SLC6A5: variants seen among roughly 807,000 people sequenced by gnomAD.
SLC6A5 encodes the protein sodium- and chloride-dependent glycine transporter 2.
In SLC6A5, 58 loss-of-function variants were observed where a neutral mutation model predicts 90.5. The observed-to-expected ratio is 0.64, with a 90% confidence interval of 0.52 to 0.80. The LOEUF is 0.80. Ranked by LOEUF, SLC6A5 falls within the 30% of genes least tolerant of loss-of-function variation. The pLI is 0.00. For missense variants in SLC6A5, 1,015 were observed against 1,017.6 expected, an observed-to-expected ratio of 1.00 and a Z score of 0.03; for synonymous variants, 427 against 401.4, an observed-to-expected ratio of 1.06 and a Z score of -0.76.
intron 4 of SLC6A5, 79 bp downstream of exon 4, chr11:20,607,217 G>A: frequency 3.3e-6 from 5 of 1,529,558 alleles, no homozygotes; most frequent in Non-Finnish European, 3.6e-6. Flanking sequence ...CCCAGGGAGG[G>A]AGACCTGCCT....
Position 20,601,298 on chromosome 11 carries a change from G to C in SLC6A5, c.173G>C (p.Gly58Ala). ...PPRVPRSAST[G>A]AQTFQSADAR... ...CGTGTGCCCAGGTCCGCTTCCACCGGCGCCCAAACTTTCCAGTCAGCGGAC... is the reference window on the plus strand; with the variant it reads ...CGTGTGCCCAGGTCCGCTTCCACCGCCGCCCAAACTTTCCAGTCAGCGGAC... Residue 58 changes from glycine (G) to alanine (A), a missense_variant, in exon 2 of 16, where the codon GGC (glycine) becomes GCC (alanine). Physicochemically the swap from Gly to Ala is moderately conservative, Grantham distance 60. This residue lies in a region of SLC6A5 where 567 missense variants were observed against 507.3 expected (regional missense o/e 1.12). Transcript: ENST00000525748. 2 of 1,590,856 alleles carry C rather than the reference G, an allele frequency of 1.3e-6. No homozygotes were observed. Among genetic ancestry groups the C allele is most frequent in the South Asian group, 1.1e-5 (1 of 89,206 alleles).
At chr11:20,626,464 G>T (rs1347444720) in intron 7 of SLC6A5, among the ~76,000 whole-genome samples, 1 of 152,008 alleles carries the variant, frequency 6.6e-6, no homozygotes, top group African/African-American at 2.4e-5. Context: ...CAGCCTTCTG[G>T]CTGTAGGCCG....
intron 3 of SLC6A5, among the ~76,000 whole-genome samples, chr11:20,606,713 A>G (rs1424956253): frequency 6.6e-6 from 1 of 152,136 alleles, no homozygotes; most frequent in East Asian, 1.9e-4. Context: ...GAAGTGCTAT[A>G]ATAAAAAAAG....
At position 20,636,325 on chromosome 11, in the gene SLC6A5, T is replaced by C; in HGVS notation, c.1643T>C (p.Val548Ala). 1 of 1,613,066 alleles carries C rather than the reference T, an allele frequency of 6.2e-7. No homozygotes were observed. Among genetic ancestry groups the C allele is most frequent in the Non-Finnish European group, 8.5e-7 (1 of 1,178,976 alleles). ...VADQGPGIAF[V>A]VYPEALTRLP... ...CTTCCAGGGCCAGGCATTGCATTTG[T>C]GGTTTACCCGGAAGCCTTAACCAGG... Residue 548 changes from valine to alanine, a missense_variant, in exon 11 of 16, where the codon GTG becomes GCG. By Grantham distance (64) the Val-to-Ala change is moderately conservative. Coordinates refer to ENST00000525748, the MANE Select transcript of SLC6A5 (RefSeq NM_004211.5).
intron 5 of SLC6A5, among the ~76,000 whole-genome samples, chr11:20,613,691 CTTCATCA>C (rs1852734089): frequency 4.9e-5 from 1 of 20,308 alleles, no homozygotes; most frequent in African/African-American, 7.3e-5. Flanking sequence ...CAGGGTCTTG[CTTCATCA>C]CCCAGGCTGG....
At chr11:20,606,889 G>A in intron 3 of SLC6A5, 118 bp from the exon 4 acceptor site, 3 of 1,260,038 alleles carry the variant, frequency 2.4e-6, no homozygotes, top group Non-Finnish European at 3.4e-6. Flanking sequence ...CTTCAGGAAT[G>A]GAGCTAAATT....
chr11:20,603,231 A>C (rs1028525474), intron 2 of SLC6A5, among the ~76,000 whole-genome samples: 8 of 150,784 alleles, frequency 5.3e-5, no homozygotes, highest in African/African-American at 1.7e-4. Context: ...GAGAAGGTGG[A>C]AACTGTGTGT....
intron 5 of SLC6A5, among the ~76,000 whole-genome samples, chr11:20,614,398 A>C (rs1364574719): frequency 6.6e-6 from 1 of 152,174 alleles, no homozygotes; most frequent in African/African-American, 2.4e-5. Flanking sequence ...AAATGAGATA[A>C]TGCATGCAAA....
rs182394593 is a variant in SLC6A5 at position 20,614,237 on chromosome 11, T to G, written c.986-442T>G. 2.6e-5 allele frequency among the ~76,000 whole-genome samples: 4 copies of G among 152,348 alleles called. No homozygotes were observed. The East Asian group carries it at 7.7e-4, about 29-fold the overall frequency. On this transcript the variant is annotated intron_variant, in intron 5 of 15. Transcript: ENST00000525748. ...ATTCGTTTCAGCAATTTATTTATTT[T>G]CTGCAGAGTCATAAGGATCTGAGTT...
chr11:20,601,544 C>A lies in SLC6A5; in HGVS notation c.419C>A (p.Thr140Asn), dbSNP rs144285788. Residue 140 changes from threonine to asparagine, a missense_variant, in exon 2 of 16, where the codon ACC (threonine) becomes AAC (asparagine). Thr to Asn is a moderately conservative substitution (Grantham distance 65). Transcript: ENST00000525748. ...GCGAACGTGAGTGTGGGCAAGGGCA[C>A]CCTGGAGCGGAACAATACCCCTGTT... ...GDANVSVGKG[T>N]LERNNTPVVG... 68 of 1,614,178 alleles carry A rather than the reference C, an allele frequency of 4.2e-5. No individual in the cohort carries two copies. In the African/African-American group the frequency reaches 8.1e-4, roughly 19 times the overall value.
intron 9 of SLC6A5, among the ~76,000 whole-genome samples, chr11:20,630,213 CTG>C (rs1429680877): frequency 6.6e-6 from 1 of 152,176 alleles, no homozygotes; most frequent in African/African-American, 2.4e-5. Flanking sequence ...GGGCTGCTCT[CTG>C]TTTCAAAGAT....
chr11:20,638,831 G>A (rs1275923101), intron 13 of SLC6A5, among the ~76,000 whole-genome samples: 2 of 152,116 alleles, frequency 1.3e-5, no homozygotes, highest in African/African-American at 4.8e-5. Context: ...GTATGATCTG[G>A]CATTTGAACA....
intron 13 of SLC6A5, among the ~76,000 whole-genome samples, chr11:20,639,123 A>G (rs769877666): frequency 6.6e-6 from 1 of 152,168 alleles, no homozygotes; most frequent in African/African-American, 2.4e-5. Context: ...CCGGCATGCC[A>G]TATCAGTGGG....
chr11:20,652,703 G>A (rs1392459317), intron 15 of SLC6A5, among the ~76,000 whole-genome samples: 1 of 152,122 alleles, frequency 6.6e-6, no homozygotes, highest in Admixed American at 6.5e-5. Context: ...ACAGCTCTGG[G>A]GAATAAATGA....
intron 5 of SLC6A5, among the ~76,000 whole-genome samples, chr11:20,609,941 A>G (rs1852662785): frequency 6.6e-6 from 1 of 152,236 alleles, no homozygotes; most frequent in Non-Finnish European, 1.5e-5. Flanking sequence ...TCTGTAATGG[A>G]GAATGACTAG....
intron 13 of SLC6A5, among the ~76,000 whole-genome samples, chr11:20,640,677 G>A (rs1853295403): frequency 7.2e-6 from 1 of 138,836 alleles, no homozygotes; most frequent in South Asian, 2.5e-4. Context: ...AGAAAAATAA[G>A]CTAACATGAC....
Position 20,616,097 on chromosome 11 carries a change from C to T in SLC6A5, c.1127+1277C>T, listed in dbSNP as rs150446317. Among the ~76,000 whole-genome samples, 458 of 152,282 alleles carry T rather than the reference C, an allele frequency of 3.0e-3. 5 individuals carry two copies. Among genetic ancestry groups the T allele is most frequent in the African/African-American group, 0.01 (435 of 41,568 alleles). ...CAGTTTGTGGCTTTCACTTAGATGACGACAAATGATTGCTAATACCATGAC... is the reference window on the plus strand; with the variant it reads ...CAGTTTGTGGCTTTCACTTAGATGATGACAAATGATTGCTAATACCATGAC... On this transcript the variant is annotated intron_variant, in intron 6 of 15. Transcript: ENST00000525748.
chr11:20,629,577 G>GT (rs1248725756), intron 9 of SLC6A5, among the ~76,000 whole-genome samples: 4 of 152,120 alleles, frequency 2.6e-5, no homozygotes, highest in African/African-American at 9.7e-5. Context: ...TGTATACAAT[G>GT]TGTAATGATC....
chr11:20,608,559 A>T (rs1852626879), intron 5 of SLC6A5, among the ~76,000 whole-genome samples: 1 of 152,246 alleles, frequency 6.6e-6, no homozygotes, highest in African/African-American at 2.4e-5. Flanking sequence ...AGTGTGATAC[A>T]GTTGCAGAAG....
Sources: gnomAD v4.1 joint callset for allele counts (sites outside exome capture counted in the v4.1 genomes callset) on GRCh38, gnomAD v4.1.1 for gene constraint, gnomAD v4.1.1 regional missense constraint, MANE v1.5 for transcripts, NCBI Gene and HGNC (gene_info 2026-07-23, HGNC 2026-07-21) for gene names.